Variants in RBFOX1 observed in about 807,000 individuals in gnomAD.
The protein encoded by RBFOX1 is RNA binding protein fox-1 homolog 1.
RBFOX1 carries 8 observed loss-of-function variants against 57.7 expected under a neutral mutation model. The ratio of observed to expected loss-of-function variants is 0.14; its 90% CI spans 0.08 to 0.25. The LOEUF is 0.25. Among genes scored for constraint, RBFOX1 ranks in the 10% least tolerant of loss-of-function variants. RBFOX1 has a pLI of 1.00. For missense variants in RBFOX1, 611 were observed against 548.5 expected, an observed-to-expected ratio of 1.11 and a Z score of -1.14; for synonymous variants, 326 against 222.4, an observed-to-expected ratio of 1.47 and a Z score of -4.15.
chr16:6,532,642 A>G (rs866320603), intron 2 of RBFOX1, among the ~76,000 whole-genome samples: 1 of 151,670 alleles, frequency 6.6e-6, no homozygotes, highest in Non-Finnish European at 1.5e-5. Context: ...TCTTCTCGAG[A>G]TTTCTTCCTG....
chr16:6,530,483 T>C (rs752902609), intron 2 of RBFOX1, among the ~76,000 whole-genome samples: 17 of 152,204 alleles, frequency 1.1e-4, no homozygotes, highest in Non-Finnish European at 2.2e-4. Context: ...ATTCTTTCTT[T>C]CTCACGATGC....
chr16:7,161,020 C>A (rs567703836), intron 4 of RBFOX1, among the ~76,000 whole-genome samples: 3 of 152,150 alleles, frequency 2.0e-5, no homozygotes, highest in Admixed American at 6.6e-5. Flanking sequence ...ATGTGTTGGT[C>A]CATTTGTTGT....
intron 4 of RBFOX1, among the ~76,000 whole-genome samples, chr16:7,278,572 G>A (rs572176829): frequency 6.6e-6 from 1 of 152,224 alleles, no homozygotes; most frequent in South Asian, 2.1e-4. Flanking sequence ...TCTGTGGGAT[G>A]CATTTATTTC....
intron 5 of RBFOX1, among the ~76,000 whole-genome samples, chr16:7,566,618 G>C (rs1285730287): frequency 6.6e-6 from 1 of 152,130 alleles, no homozygotes; most frequent in Non-Finnish European, 1.5e-5. Context: ...AAACACCAGT[G>C]AGATGCTTAG....
rs182384321 is a variant in RBFOX1, at chr16:6,854,537, G to C, written c.-15-197520G>C. Among the ~76,000 whole-genome samples the C allele has an allele frequency of 2.1e-3, 308 of 149,740 alleles. 2 individuals are homozygous for C. The highest frequency in any genetic ancestry group is 7.3e-3 in the African/African-American group (296 of 40,736). ...AGGTTACCTGTTTTGCCTGGCCAAC[G>C]ACATCTTCTGAACCTCACGCATTAC... On this transcript the variant is annotated intron_variant, in intron 3 of 15. Transcript: ENST00000550418.
chr16:6,671,085 T>C (rs985757216), intron 3 of RBFOX1, among the ~76,000 whole-genome samples: 48 of 152,234 alleles, frequency 3.2e-4, no homozygotes, highest in Non-Finnish European at 4.4e-4. Flanking sequence ...CTCATACGTA[T>C]GAACAACCAG....
At chr16:5,575,986 CT>C (rs77867298) in intron 2 of RBFOX1, among the ~76,000 whole-genome samples, 30,244 of 148,240 alleles carry the variant, frequency 0.2, 3,332 homozygotes, top group South Asian at 0.29. Context: ...AAATTTTCAT[CT>C]TTTTTTTTTC....
intron 14 of RBFOX1, among the ~76,000 whole-genome samples, chr16:7,692,068 A>T (rs1435326882): frequency 6.6e-6 from 1 of 152,110 alleles, no homozygotes; most frequent in African/African-American, 2.4e-5. Flanking sequence ...GATAAATTTT[A>T]TTGCTCCTCT....
chr16:5,659,675 GA>G (rs2049582155), intron 3 of RBFOX1, among the ~76,000 whole-genome samples: 1 of 152,182 alleles, frequency 6.6e-6, no homozygotes, highest in Non-Finnish European at 1.5e-5. Context: ...CAGGGAGTCT[GA>G]AAATGTGGCT....
At chr16:6,665,266 C>T (rs1471692330) in intron 3 of RBFOX1, among the ~76,000 whole-genome samples, 1 of 152,110 alleles carries the variant, frequency 6.6e-6, no homozygotes, top group African/African-American at 2.4e-5. Flanking sequence ...TGTCTTCCCT[C>T]AGCCACCCCA....
Position 6,569,116 on chromosome 16 carries a change from C to A in RBFOX1, c.-63-85487C>A, listed in dbSNP as rs534154103. 5.9e-5 allele frequency among the ~76,000 whole-genome samples: 9 copies of A among 152,322 alleles called. No individual in the cohort carries two copies. In the South Asian group the frequency reaches 1.5e-3, roughly 25 times the overall value. On this transcript the variant is annotated intron_variant, in intron 2 of 15. Transcript: ENST00000550418. ...GGTGTCAGCAGCCCAGCTTTGAATACTCTCTCTGCCTCTTGATATCCATGT... is the reference window on the plus strand; with the variant it reads ...GGTGTCAGCAGCCCAGCTTTGAATAATCTCTCTGCCTCTTGATATCCATGT...
intron 4 of RBFOX1, among the ~76,000 whole-genome samples, chr16:7,108,326 A>G (rs372487833): frequency 2.2e-5 from 3 of 137,960 alleles, no homozygotes; most frequent in Admixed American, 7.3e-5. Context: ...ACTTCTTTCT[A>G]TTTTATTTCA....
At position 7,488,646 on chromosome 16, in the gene RBFOX1, G is replaced by C. The variant is rs75057384; in HGVS notation, c.28-29501G>C. ...CTACTATTTACCTATCACTCTATTTGTCTGTACGTACATCAATCTGTCCAT... is the reference window on the plus strand; with the variant it reads ...CTACTATTTACCTATCACTCTATTTCTCTGTACGTACATCAATCTGTCCAT... On this transcript the variant is annotated intron_variant, in intron 4 of 15. Transcript: ENST00000550418. 2.0e-5 allele frequency among the ~76,000 whole-genome samples: 3 copies of C among 152,116 alleles called. No homozygotes were observed. In the East Asian group the frequency reaches 5.8e-4, roughly 29 times the overall value.
Position 6,745,136 on chromosome 16 carries a change from A to G in RBFOX1, c.-16+90486A>G, listed in dbSNP as rs187155419. Among the ~76,000 whole-genome samples, 78 of 152,262 alleles carry G rather than the reference A, an allele frequency of 5.1e-4. No individual in the cohort carries two copies. In the East Asian group the frequency reaches 9.8e-3, roughly 19 times the overall value. On this transcript the variant is annotated intron_variant, in intron 3 of 15. Transcript: ENST00000550418. Reference sequence around the variant, plus strand: ...TCTAAGAAAGCTCACTAAAGAAGAAATAGATCATCTGAATTTCCTGATATA... The same window carrying G: ...TCTAAGAAAGCTCACTAAAGAAGAAGTAGATCATCTGAATTTCCTGATATA...
chr16:5,266,565 T>TTTTTG (rs56335991), intron 1 of RBFOX1, among the ~76,000 whole-genome samples: 2 of 150,434 alleles, frequency 1.3e-5, no homozygotes, highest in Non-Finnish European at 1.5e-5. Context: ...TTTTTTTTTT[T>TTTTTG]GAGGCAGGAT....
At chr16:7,536,090 A>C (rs760602234) in intron 5 of RBFOX1, among the ~76,000 whole-genome samples, 2 of 152,222 alleles carry the variant, frequency 1.3e-5, no homozygotes, top group Non-Finnish European at 1.5e-5. Context: ...CAGGTTCGAC[A>C]TCCCATGGAA....
At chr16:5,500,435 C>A (rs1246808441) in intron 2 of RBFOX1, among the ~76,000 whole-genome samples, 1 of 152,052 alleles carries the variant, frequency 6.6e-6, no homozygotes, top group Non-Finnish European at 1.5e-5. Context: ...GTTGCCCAGG[C>A]TGTCTTGAAC....
At chr16:5,765,135 G>T (rs906329865) in intron 3 of RBFOX1, among the ~76,000 whole-genome samples, 8 of 152,166 alleles carry the variant, frequency 5.3e-5, no homozygotes, top group Non-Finnish European at 1.0e-4. Flanking sequence ...AAGCCCTTGG[G>T]TGGGAGCTGG....
intron 4 of RBFOX1, among the ~76,000 whole-genome samples, chr16:7,300,353 A>T (rs1693967465): frequency 6.6e-6 from 1 of 152,180 alleles, no homozygotes; most frequent in Non-Finnish European, 1.5e-5. Context: ...CAGGTGTTTG[A>T]ACAAGCCAGT....
Sources: allele counts gnomAD v4.1 joint callset (sites outside exome capture counted in the v4.1 genomes callset), GRCh38; gene constraint gnomAD v4.1.1; transcripts MANE v1.5; gene names NCBI Gene and HGNC (gene_info 2026-07-23, HGNC 2026-07-21).